Variants in NLGN1 observed in about 807,000 individuals in gnomAD.
NLGN1 encodes the protein neuroligin-1.
A neutral mutation model predicts 65.5 loss-of-function variants in NLGN1; 12 were observed. The observed-to-expected ratio is 0.18, with a 90% CI of 0.12 to 0.30. The LOEUF (loss-of-function observed/expected upper bound fraction) is 0.30. Ranked by LOEUF, NLGN1 falls within the 10% of genes least tolerant of loss-of-function variation. The pLI is 1.00. For missense variants in NLGN1, 750 were observed against 1,007.1 expected, an observed-to-expected ratio of 0.74 and a Z score of 3.46; for synonymous variants, 350 against 359.5, an observed-to-expected ratio of 0.97 and a Z score of 0.30.
At chr3:173,860,771 T>G (rs1420539772) in intron 4 of NLGN1, among the ~76,000 whole-genome samples, 2 of 152,154 alleles carry the variant, frequency 1.3e-5, no homozygotes, top group Non-Finnish European at 2.9e-5. Context: ...ATAACCTTAT[T>G]CTTAAAGAAG....
rs73043540 is a variant in NLGN1, at chr3:173,497,741, T to C, written c.-321+62663T>C. 5.8e-3 allele frequency among the ~76,000 whole-genome samples: 875 copies of C among 151,172 alleles called. 43 individuals carry two copies. The highest frequency in any genetic ancestry group is 0.021 in the African/African-American group (857 of 40,506). On this transcript the variant is annotated intron_variant, in intron 2 of 6. Coordinates refer to ENST00000457714, the Ensembl canonical transcript of NLGN1. ...TAAAATTCAGTCATAAGAATGAACATTTGCATTAGAAAAAAAATCAATATT... is the reference window on the plus strand; with the variant it reads ...TAAAATTCAGTCATAAGAATGAACACTTGCATTAGAAAAAAAATCAATATT...
rs79255792 is a variant in NLGN1, at chr3:174,267,033, A to G, written c.647-8282A>G. Reference sequence around the variant, plus strand: ...AAACATTATCTCTTCTAATAATGATAATTTTATGGGGTGGGTACTATTACT... The same window carrying G: ...AAACATTATCTCTTCTAATAATGATGATTTTATGGGGTGGGTACTATTACT... On this transcript the variant is annotated intron_variant, in intron 4 of 6. Transcript: ENST00000457714. Among the ~76,000 whole-genome samples the G allele has an allele frequency of 6.0e-3, 907 of 152,236 alleles. 22 individuals are homozygous for G. The highest frequency in any genetic ancestry group is 0.03 in the East Asian group (155 of 5,170).
At chr3:173,452,186 C>A (rs911693495) in intron 2 of NLGN1, among the ~76,000 whole-genome samples, 1 of 151,022 alleles carries the variant, frequency 6.6e-6, no homozygotes, top group Non-Finnish European at 1.5e-5. Flanking sequence ...TGTTCCTATT[C>A]GGCCATCTTG....
chr3:173,561,856 G>C (rs749267652), intron 2 of NLGN1, among the ~76,000 whole-genome samples: 1 of 152,116 alleles, frequency 6.6e-6, no homozygotes, highest in South Asian at 2.1e-4. Context: ...GAGAGAAAAC[G>C]TGCACATTAA....
chr3:174,101,881 A>C (rs1358509695), intron 4 of NLGN1, among the ~76,000 whole-genome samples: 1 of 152,188 alleles, frequency 6.6e-6, no homozygotes, highest in Non-Finnish European at 1.5e-5. Context: ...AAGGACAAAG[A>C]AAACAGTGAA....
chr3:174,256,242 G>A (rs1745735079), intron 4 of NLGN1, among the ~76,000 whole-genome samples: 1 of 152,110 alleles, frequency 6.6e-6, no homozygotes, highest in South Asian at 2.1e-4. Context: ...GGGGACATAG[G>A]CCAATACACC....
intron 5 of NLGN1, among the ~76,000 whole-genome samples, chr3:174,276,391 CA>C (rs969370525): frequency 3.3e-5 from 5 of 151,756 alleles, no homozygotes; most frequent in Admixed American, 2.6e-4. Flanking sequence ...GAGAAATTTG[CA>C]AAGCAAATAC....
intron 4 of NLGN1, among the ~76,000 whole-genome samples, chr3:173,938,803 G>A (rs192114353): frequency 2.2e-4 from 33 of 152,100 alleles, no homozygotes; most frequent in African/African-American, 7.2e-4. Flanking sequence ...CCGAGAAAAG[G>A]CATCAACTCA....
At chr3:173,565,159 C>G (rs1483375898) in intron 2 of NLGN1, among the ~76,000 whole-genome samples, 2 of 152,110 alleles carry the variant, frequency 1.3e-5, no homozygotes, top group Non-Finnish European at 2.9e-5. Flanking sequence ...AGAGGAACAT[C>G]AGAAGTCAGT....
intron 2 of NLGN1, among the ~76,000 whole-genome samples, chr3:173,472,198 A>G (rs1319605703): frequency 6.6e-6 from 1 of 152,136 alleles, no homozygotes; most frequent in Non-Finnish European, 1.5e-5. Context: ...AAATTTGAAA[A>G]TACCTAGCTT....
intron 4 of NLGN1, among the ~76,000 whole-genome samples, chr3:173,852,264 G>A (rs1055230910): frequency 4.1e-5 from 6 of 145,504 alleles, no homozygotes; most frequent in Non-Finnish European, 7.5e-5. Flanking sequence ...GCTGAGGCAG[G>A]AGAATGGCGT....
intron 4 of NLGN1, among the ~76,000 whole-genome samples, chr3:173,817,929 A>G (rs1482797205): frequency 1.3e-5 from 2 of 152,220 alleles, no homozygotes; most frequent in Non-Finnish European, 2.9e-5. Context: ...GAATAAGACT[A>G]CAGAACATAG....
chr3:173,774,911 C>T (rs145869266), intron 3 of NLGN1, among the ~76,000 whole-genome samples: 2 of 151,960 alleles, frequency 1.3e-5, no homozygotes, highest in East Asian at 1.9e-4. Flanking sequence ...CATTTAAACC[C>T]GATAAAATCT....
intron 4 of NLGN1, among the ~76,000 whole-genome samples, chr3:173,988,140 A>C (rs1720341655): frequency 6.6e-6 from 1 of 152,146 alleles, no homozygotes; most frequent in African/African-American, 2.4e-5. Context: ...TAATTTTCAA[A>C]TATATAATAT....
intron 4 of NLGN1, among the ~76,000 whole-genome samples, chr3:174,010,118 G>A (rs942071519): frequency 6.6e-6 from 1 of 152,082 alleles, no homozygotes; most frequent in Non-Finnish European, 1.5e-5. Context: ...AATGTGAAAT[G>A]ACAGCTTTAA....
chr3:174,281,164 C>T (rs777902236), exon 7 of NLGN1: 3 of 1,613,198 alleles, frequency 1.9e-6, no homozygotes, highest in Non-Finnish European at 2.5e-6. Flanking sequence ...TTAATGACAC[C>T]CAACACCATT....
At chr3:174,184,149 CA>C (rs1730973215) in intron 4 of NLGN1, among the ~76,000 whole-genome samples, 1 of 151,646 alleles carries the variant, frequency 6.6e-6, no homozygotes, top group Non-Finnish European at 1.5e-5. Context: ...TAACACTAGA[CA>C]AAAAATATGC....
intron 4 of NLGN1, among the ~76,000 whole-genome samples, chr3:173,858,531 A>G (rs991283648): frequency 2.0e-4 from 30 of 152,072 alleles, no homozygotes; most frequent in Admixed American, 1.5e-3. Context: ...ATAGGTTTCC[A>G]ATTTCTGAAT....
chr3:173,411,897 T>A (rs1247097416), intron 1 of NLGN1, among the ~76,000 whole-genome samples: 1 of 152,092 alleles, frequency 6.6e-6, no homozygotes, highest in East Asian at 1.9e-4. Context: ...GTGACGAAGC[T>A]GACAGTAAGA....
Sources: gnomAD v4.1 joint callset for allele counts (sites outside exome capture counted in the v4.1 genomes callset) on GRCh38, gnomAD v4.1.1 for gene constraint, MANE v1.5 for transcripts, NCBI Gene and HGNC (gene_info 2026-07-23, HGNC 2026-07-21) for gene names.